The following GRIN2B variants were observed in gnomAD, a reference collection of about 807,000 sequenced individuals.
GRIN2B encodes the protein glutamate ionotropic receptor NMDA type subunit 2B.
In GRIN2B, 5 loss-of-function variants were observed where a neutral mutation model predicts 114.5. The observed-to-expected ratio is 0.04, with a 90% confidence interval of 0.02 to 0.09. GRIN2B has a LOEUF of 0.09. Among genes scored for constraint, GRIN2B ranks in the 10% least tolerant of loss-of-function variants. The pLI is 1.00. For synonymous variants in GRIN2B, 787 were observed against 745.1 expected (o/e 1.06, Z -0.92); for missense variants, 1,108 against 1,943.5 (o/e 0.57, Z 8.08).
At chr12:13,825,437 T>G (rs1865014133) in intron 3 of GRIN2B, among the ~76,000 whole-genome samples, 1 of 148,752 alleles carries the variant, frequency 6.7e-6, no homozygotes, top group Non-Finnish European at 1.5e-5. Context: ...AAGGTCAATT[T>G]GGTCAAGCTG....
intron 2 of GRIN2B, among the ~76,000 whole-genome samples, chr12:13,960,594 T>C (rs780506987): frequency 3.3e-5 from 5 of 152,122 alleles, no homozygotes; most frequent in African/African-American, 7.2e-5. Flanking sequence ...AGAAGGCTCA[T>C]ACTACCTAAG....
rs1287836226 is a variant in GRIN2B, at chr12:13,557,403, G to A, written c.*5380C>T. 1.3e-5 allele frequency: 2 copies of A among 152,186 alleles called. No individual in the cohort carries two copies. Among genetic ancestry groups the A allele is most frequent in the East Asian group, 1.9e-4 (1 of 5,206 alleles). The allele number at this position is 152,186 out of a possible 1,614,324, so 9.4% of individuals were successfully genotyped here. A position where few individuals can be genotyped will look rare whatever the true frequency, so the allele number is the denominator to read the frequency against. The stretch of plus-strand genomic sequence containing the variant: ...AAAGTATAGGATATAGACCAACTCA[G>A]CTAATTGGAAGATTAATTAAACTGG... On this transcript the variant is annotated 3_prime_UTR_variant, in exon 14 of 14. Transcript: ENST00000609686.
intron 2 of GRIN2B, among the ~76,000 whole-genome samples, chr12:13,876,845 G>A (rs1865997985): frequency 6.6e-6 from 1 of 150,604 alleles, no homozygotes; most frequent in South Asian, 2.1e-4. Flanking sequence ...ACTTGGCAAA[G>A]CATGTGGCAT....
intron 3 of GRIN2B, among the ~76,000 whole-genome samples, chr12:13,862,249 T>A (rs990177535): frequency 6.6e-6 from 1 of 152,186 alleles, no homozygotes; most frequent in African/African-American, 2.4e-5. Flanking sequence ...GGTGCTGAAC[T>A]GCTGAACTGT....
intron 2 of GRIN2B, among the ~76,000 whole-genome samples, chr12:13,966,864 G>A (rs143680222): frequency 2.2e-4 from 33 of 152,302 alleles, no homozygotes; most frequent in African/African-American, 7.7e-4. Context: ...GAATCTGATA[G>A]TACAGAGAAA....
At chr12:13,866,368 T>C in intron 2 of GRIN2B, 142 bp from the exon 3 acceptor site, 2 of 726,732 alleles carry the variant, frequency 2.8e-6, no homozygotes, top group South Asian at 3.1e-5. Context: ...CCTACTCTCT[T>C]ATCTCTGGTA....
chr12:13,695,077 C>T (rs181605172), intron 4 of GRIN2B, among the ~76,000 whole-genome samples: 2 of 152,230 alleles, frequency 1.3e-5, no homozygotes, highest in African/African-American at 4.8e-5. Context: ...GCAAAGGGAT[C>T]TCTAAGCTTT....
rs75269586 is a variant in GRIN2B, at chr12:13,562,973, C to T, written c.4265G>A (p.Arg1422Gln). The T allele has an allele frequency of 6.2e-6, 10 of 1,613,842 alleles. No individual in the cohort carries two copies. Among genetic ancestry groups the T allele is most frequent in the Non-Finnish European group, 7.6e-6 (9 of 1,179,866 alleles). The change falls in exon 14 of 14, where the codon CGG (arginine) becomes CAG (glutamine). Residue 1422 changes from arginine to glutamine, a missense_variant. Physicochemically the swap from Arg to Gln is conservative, Grantham distance 43 (BLOSUM62 1). Transcript: ENST00000609686. Reference sequence around the variant, plus strand: ...CACCGGCTTGTTGGTGACAAGGGCCCGGAAGTCCGGCCTGGCTTTCGACGC... The same window carrying T: ...CACCGGCTTGTTGGTGACAAGGGCCTGGAAGTCCGGCCTGGCTTTCGACGC... The part of the protein sequence containing the change: ...AGASKARPDF[R>Q]ALVTNKPVVS...
At chr12:13,822,201 A>T (rs1270985651) in intron 3 of GRIN2B, among the ~76,000 whole-genome samples, 2 of 152,202 alleles carry the variant, frequency 1.3e-5, no homozygotes, top group African/African-American at 4.8e-5. Flanking sequence ...GGAAAAAATG[A>T]TGGAATCACA....
chr12:13,643,162 G>T (rs1949735788), intron 5 of GRIN2B, among the ~76,000 whole-genome samples: 1 of 152,082 alleles, frequency 6.6e-6, no homozygotes, highest in Non-Finnish European at 1.5e-5. Context: ...TTTTCTAAAG[G>T]ATACTTGAAT....
intron 4 of GRIN2B, among the ~76,000 whole-genome samples, chr12:13,686,364 C>G (rs181161152): frequency 4.6e-5 from 7 of 152,056 alleles, no homozygotes; most frequent in Non-Finnish European, 8.8e-5. Context: ...CACCATGAAC[C>G]CCAATTGCAT....
chr12:13,689,038 T>C (rs1321803821), intron 4 of GRIN2B, among the ~76,000 whole-genome samples: 1 of 152,190 alleles, frequency 6.6e-6, no homozygotes, highest in African/African-American at 2.4e-5. Context: ...GATGCCTTTA[T>C]CTTTTCTCTT....
rs140896964 is a variant in GRIN2B, at chr12:13,784,141, G to A, written c.412-30226C>T. Among the ~76,000 whole-genome samples the A allele has an allele frequency of 6.2e-4, 90 of 145,030 alleles. No individual in the cohort carries two copies. In the East Asian group the frequency reaches 0.015, roughly 24 times the overall value. ...CAGGAGGCTGAGGCAGGAGAATGGC[G>A]TGAACCTGGGAGGCGGAGCTTGCAG... On this transcript the variant is annotated intron_variant, in intron 3 of 13. Transcript: ENST00000609686.
rs370219470 is a variant in GRIN2B at position 13,827,926 on chromosome 12, C to T, written c.411+37872G>A. Among the ~76,000 whole-genome samples the T allele has an allele frequency of 2.7e-4, 41 of 152,280 alleles. No homozygotes were observed. The East Asian group carries it at 4.4e-3, about 16-fold the overall frequency. ...CGAACTCCTGACCTCGTGATCTGCC[C>T]GCCTCAGCCTCCCAAAGTGCTGGGA... On this transcript the variant is annotated intron_variant, in intron 3 of 13. Transcript: ENST00000609686.
chr12:13,951,252 T>C (rs1867473003), intron 2 of GRIN2B, among the ~76,000 whole-genome samples: 1 of 152,102 alleles, frequency 6.6e-6, no homozygotes, highest in African/African-American at 2.4e-5. Context: ...CAACCCTAGA[T>C]ATAGTACAGG....
chr12:13,788,975 G>A (rs895010814), intron 3 of GRIN2B, among the ~76,000 whole-genome samples: 2 of 152,140 alleles, frequency 1.3e-5, no homozygotes, highest in African/African-American at 4.8e-5. Flanking sequence ...CACTTAATTT[G>A]CTGACCATCC....
At chr12:13,839,515 G>A (rs1865343253) in intron 3 of GRIN2B, among the ~76,000 whole-genome samples, 1 of 152,180 alleles carries the variant, frequency 6.6e-6, no homozygotes, top group African/African-American at 2.4e-5. Flanking sequence ...ATTGTGCAGT[G>A]CTTATAGCTC....
At chr12:13,740,492 CT>C (rs59103603) in intron 4 of GRIN2B, among the ~76,000 whole-genome samples, 3,033 of 140,802 alleles carry the variant, frequency 0.022, 68 homozygotes, top group African/African-American at 0.059. Context: ...ATAGCATTTT[CT>C]TTTTTTTTTT....
intron 3 of GRIN2B, among the ~76,000 whole-genome samples, chr12:13,831,986 C>T (rs902247558): frequency 6.6e-6 from 1 of 152,134 alleles, no homozygotes; most frequent in Non-Finnish European, 1.5e-5. Flanking sequence ...ATGGGCTTTT[C>T]TTTCTTCCCC....
Sources: gnomAD v4.1 joint callset for allele counts (sites outside exome capture counted in the v4.1 genomes callset) on GRCh38, gnomAD v4.1.1 for gene constraint, MANE v1.5 for transcripts, NCBI Gene and HGNC (gene_info 2026-07-23, HGNC 2026-07-21) for gene names.